The following IMPG1 variants were observed in gnomAD, a reference collection of about 807,000 sequenced individuals.
IMPG1 encodes interphotoreceptor matrix proteoglycan 1.
IMPG1 carries 85 observed loss-of-function variants against 92.0 expected under a neutral mutation model. The observed-to-expected ratio is 0.92, with a 90% CI of 0.78 to 1.11. The LOEUF is 1.11. Among genes scored for constraint, IMPG1 ranks in the 50% least tolerant of loss-of-function variants. The pLI is 0.00. For missense variants in IMPG1, 1,022 were observed against 956.0 expected (o/e 1.07, Z -0.91); for synonymous variants, 367 against 334.1 (o/e 1.10, Z -1.08).
chr6:76,061,872 G>A (rs1484917621), intron 1 of IMPG1, among the ~76,000 whole-genome samples: 1 of 152,092 alleles, frequency 6.6e-6, no homozygotes, highest in Non-Finnish European at 1.5e-5. Flanking sequence ...TGAAGTAATT[G>A]TTCTTTGAGC....
chr6:75,942,675 T>G (rs1195167914), intron 14 of IMPG1, among the ~76,000 whole-genome samples: 1 of 152,210 alleles, frequency 6.6e-6, no homozygotes, highest in Non-Finnish European at 1.5e-5. Flanking sequence ...GTCACCATGA[T>G]GGCTTACACG....
At chr6:75,928,931 G>A (rs184644843) in intron 15 of IMPG1, among the ~76,000 whole-genome samples, 36 of 152,146 alleles carry the variant, frequency 2.4e-4, no homozygotes, top group Middle Eastern at 3.4e-3. Flanking sequence ...TTATTTTTCC[G>A]TCTATGGCAG....
chr6:75,925,315 G>GTA, intron 15 of IMPG1, among the ~76,000 whole-genome samples: 1 of 152,140 alleles, frequency 6.6e-6, no homozygotes, highest in South Asian at 2.1e-4. Context: ...TGTTGATAGT[G>GTA]TATATGCATT....
intron 12 of IMPG1, among the ~76,000 whole-genome samples, chr6:75,954,092 T>G (rs543681399): frequency 6.6e-6 from 1 of 152,220 alleles, no homozygotes; most frequent in African/African-American, 2.4e-5. Flanking sequence ...CATGTCTTTA[T>G]AGTAGAATAA....
At chr6:75,945,089 A>T (rs981285187) in intron 14 of IMPG1, among the ~76,000 whole-genome samples, 4 of 152,212 alleles carry the variant, frequency 2.6e-5, no homozygotes, top group Non-Finnish European at 5.9e-5. Context: ...TGCATAGCAG[A>T]ACTATTCACA....
chr6:75,945,678 A>G (rs2149455519), intron 14 of IMPG1, among the ~76,000 whole-genome samples: 1 of 152,220 alleles, frequency 6.6e-6, no homozygotes, highest in East Asian at 1.9e-4. Context: ...CATTTGCAGA[A>G]ATTGAGTGCT....
At chr6:75,990,489 C>T (rs909122930) in intron 12 of IMPG1, among the ~76,000 whole-genome samples, 1 of 151,770 alleles carries the variant, frequency 6.6e-6, no homozygotes, top group Non-Finnish European at 1.5e-5. Flanking sequence ...CATGGTGGTT[C>T]ATGTCTATAA....
chr6:76,067,573 G>A (rs901960021), intron 1 of IMPG1, among the ~76,000 whole-genome samples: 3 of 151,936 alleles, frequency 2.0e-5, no homozygotes, highest in Non-Finnish European at 4.4e-5. Context: ...AAGAGCCCAG[G>A]ACCAGGTAGA....
chr6:76,049,296 C>T (rs1043815775), intron 1 of IMPG1, among the ~76,000 whole-genome samples: 3 of 152,150 alleles, frequency 2.0e-5, no homozygotes, highest in East Asian at 1.9e-4. Context: ...CTCCATGACA[C>T]TGTTTTCCTA....
chr6:76,068,591 C>T (rs113998769), intron 1 of IMPG1, among the ~76,000 whole-genome samples: 3,785 of 149,634 alleles, frequency 0.025, 137 homozygotes, highest in African/African-American at 0.085. Flanking sequence ...CTCAGCTTAC[C>T]GCAATTTCCA....
At chr6:75,955,007 T>C (rs888788245) in intron 12 of IMPG1, among the ~76,000 whole-genome samples, 2 of 152,252 alleles carry the variant, frequency 1.3e-5, no homozygotes, top group Non-Finnish European at 2.9e-5. Context: ...CCTGTTTTTG[T>C]TACTGTAGGC....
rs1014756282 is a variant in IMPG1, at chr6:76,041,873, G to A, written c.301+20C>T. ...GGATGGAAATAACACAAGGCTAAACGGTTTCATCTCTTTCCTTACCTCTCA... is the reference window on the plus strand; with the variant it reads ...GGATGGAAATAACACAAGGCTAAACAGTTTCATCTCTTTCCTTACCTCTCA... On this transcript the variant is annotated intron_variant, in intron 2 of 16. Coordinates refer to ENST00000369950, the MANE Select transcript of IMPG1 (RefSeq NM_001563.4). The A allele has an allele frequency of 6.8e-6, 10 of 1,477,320 alleles. No individual in the cohort carries two copies. The highest frequency in any genetic ancestry group is 2.8e-5 in the African/African-American group (2 of 72,212). 91.5% of individuals were successfully genotyped at this position (1,477,320 alleles called of 1,614,324 possible).
At chr6:75,944,114 T>A (rs1218265456) in intron 14 of IMPG1, among the ~76,000 whole-genome samples, 1 of 152,186 alleles carries the variant, frequency 6.6e-6, no homozygotes, top group African/African-American at 2.4e-5. Context: ...CACTTCCTGA[T>A]TACATGGGTG....
chr6:75,941,393 T>C (rs1008982993), intron 14 of IMPG1, among the ~76,000 whole-genome samples: 6 of 152,214 alleles, frequency 3.9e-5, no homozygotes, highest in East Asian at 1.9e-4. Context: ...AATATAACAA[T>C]CCCATCCAGT....
chr6:75,936,007 C>T (rs905947878), intron 14 of IMPG1, among the ~76,000 whole-genome samples: 25 of 152,156 alleles, frequency 1.6e-4, no homozygotes, highest in African/African-American at 5.8e-4. Context: ...ACACAGGGAC[C>T]TCACAGCTTC....
Position 76,072,582 on chromosome 6 carries a change from T to C in IMPG1, c.-94A>G, listed in dbSNP as rs1323345975. ...CAGAAATGTGAAAAATAATTATATA[T>C]TGATACCAGATGATTGAGGATAACC... is the stretch of plus-strand genomic sequence containing the variant. On this transcript the variant is annotated 5_prime_UTR_variant, in exon 1 of 17. Coordinates refer to ENST00000369950, the MANE Select transcript of IMPG1 (RefSeq NM_001563.4). The C allele has an allele frequency of 5.6e-6, 4 of 710,976 alleles. No homozygotes were observed. The highest frequency in any genetic ancestry group is 3.7e-5 in the African/African-American group (2 of 54,478). The allele number at this position is 710,976 out of a possible 1,614,324, so 44.0% of individuals were successfully genotyped here.
intron 1 of IMPG1, among the ~76,000 whole-genome samples, chr6:76,042,552 C>A (rs968530070): frequency 3.3e-5 from 5 of 152,086 alleles, no homozygotes; most frequent in Admixed American, 2.0e-4. Flanking sequence ...AAAAACCTAG[C>A]GGAACAATGC....
chr6:75,950,929 T>A lies in IMPG1; in HGVS notation c.1457A>T (p.Tyr486Phe). The change falls in exon 13 of 17, where the codon TAT becomes TTT. Residue 486 changes from tyrosine (Y) to phenylalanine (F), a missense_variant. Physicochemically the swap from Tyr to Phe is conservative, Grantham distance 22. Transcript: ENST00000369950. Reference sequence around the variant, plus strand: ...CAGAGCCAGTTGGCTGATTGCAGAATAATCACTGGTGGGGATGGTGAGCCC... The same window carrying A: ...CAGAGCCAGTTGGCTGATTGCAGAAAAATCACTGGTGGGGATGGTGAGCCC... ...VPGLTIPTSDYSAISQLALGI... is the reference protein window; with the variant it reads ...VPGLTIPTSDFSAISQLALGI... 1 of 1,613,984 alleles carries A rather than the reference T, an allele frequency of 6.2e-7. No homozygotes were observed. The highest frequency in any genetic ancestry group is 8.5e-7 in the Non-Finnish European group (1 of 1,179,950).
rs376133758 is a variant in IMPG1 at position 75,950,841 on chromosome 6, C to T, written c.1545G>A (p.Met515Ile). 6.7e-5 allele frequency: 108 copies of T among 1,613,768 alleles called. No homozygotes were observed. The highest frequency in any genetic ancestry group is 1.6e-4 in the East Asian group (7 of 44,888). Reference protein sequence around the residue: ...DSRSSAGGEDMVRHLDEMDLS... With the variant: ...DSRSSAGGEDIVRHLDEMDLS... ...GATCCATTTCATCTAGGTGTCTGACCATATCTTCGCCACCTGCACTTGATC... is the reference window on the plus strand; with the variant it reads ...GATCCATTTCATCTAGGTGTCTGACTATATCTTCGCCACCTGCACTTGATC... Residue 515 changes from methionine (M) to isoleucine (I), a missense_variant, in exon 13 of 17, where the codon ATG (methionine) becomes ATA (isoleucine). By Grantham distance (10) the Met-to-Ile change is conservative (BLOSUM62 1). This residue lies in a region of IMPG1 where 332 missense variants were observed against 346.2 expected (regional missense o/e 0.96). Transcript: ENST00000369950.
Sources: gnomAD v4.1 joint callset for allele counts (sites outside exome capture counted in the v4.1 genomes callset) on GRCh38, gnomAD v4.1.1 for gene constraint, gnomAD v4.1.1 regional missense constraint, MANE v1.5 for transcripts, NCBI Gene and HGNC (gene_info 2026-07-23, HGNC 2026-07-21) for gene names.